SERPINI1: variants seen among roughly 807,000 people sequenced by gnomAD.
SERPINI1 encodes serpin family I member 1.
SERPINI1 carries 19 observed loss-of-function variants against 41.1 expected under a neutral mutation model. The ratio of observed to expected loss-of-function variants is 0.46; its 90% CI spans 0.32 to 0.68. The LOEUF is 0.68. Among genes scored for constraint, SERPINI1 ranks in the 30% least tolerant of loss-of-function variants. SERPINI1 has a pLI of 0.03. For missense variants in SERPINI1, 460 were observed against 479.2 expected, an observed-to-expected ratio of 0.96 and a Z score of 0.37; for synonymous variants, 138 against 156.6, an observed-to-expected ratio of 0.88 and a Z score of 0.89.
chr3:167,797,248 C>T (rs1188871085), intron 5 of SERPINI1, among the ~76,000 whole-genome samples: 3 of 152,052 alleles, frequency 2.0e-5, no homozygotes, highest in Admixed American at 6.6e-5. Context: ...GATATTAGAC[C>T]TTTGTCAGAT....
chr3:167,767,244 T>G (rs1577406777), intron 1 of SERPINI1, among the ~76,000 whole-genome samples: 1 of 152,212 alleles, frequency 6.6e-6, no homozygotes, highest in Admixed American at 6.5e-5. Flanking sequence ...GCTCTACAAA[T>G]GGAACAACAC....
chr3:167,744,745 T>TAA (rs1170422524), intron 1 of SERPINI1, among the ~76,000 whole-genome samples: 4 of 122,394 alleles, frequency 3.3e-5, no homozygotes, highest in African/African-American at 9.4e-5. Flanking sequence ...ATATTATATA[T>TAA]AACTATATTT....
intron 6 of SERPINI1, among the ~76,000 whole-genome samples, chr3:167,807,572 C>A (rs1309709263): frequency 1.3e-5 from 2 of 152,106 alleles, no homozygotes; most frequent in Non-Finnish European, 2.9e-5. Flanking sequence ...AGATTATATT[C>A]TCCGGAAGAC....
chr3:167,752,915 C>A (rs2108535593), intron 1 of SERPINI1, among the ~76,000 whole-genome samples: 1 of 152,250 alleles, frequency 6.6e-6, no homozygotes, highest in Admixed American at 6.5e-5. Flanking sequence ...TTCCCTGATT[C>A]TCTCCTTAAT....
intron 5 of SERPINI1, among the ~76,000 whole-genome samples, chr3:167,806,990 C>T (rs930177561): frequency 3.3e-5 from 5 of 151,952 alleles, no homozygotes; most frequent in African/African-American, 1.2e-4. Flanking sequence ...TTTGTTGTAC[C>T]ATATATTATG....
chr3:167,789,019 C>A (rs2108556070), intron 1 of SERPINI1, 92 bp from the exon 2 acceptor site: 1 of 1,277,826 alleles, frequency 7.8e-7, no homozygotes, highest in Non-Finnish European at 1.1e-6. Context: ...TGTTAATTGA[C>A]TTTTTAAAAG....
chr3:167,790,491 T>C lies in SERPINI1; in HGVS notation c.370T>C (p.Phe124Leu). The C allele has an allele frequency of 6.2e-7, 1 of 1,613,572 alleles. No individual in the cohort carries two copies. The highest frequency in any genetic ancestry group is 8.5e-7 in the Non-Finnish European group (1 of 1,179,794). ...VQNGFHVNEE[F>L]LQMMKKYFNA... is the part of the protein sequence containing the mutation. ...AAATGGATTTCATGTCAATGAGGAG[T>C]TTTTGCAAATGATGAAAAAATATTT... The change falls in exon 3 of 9, where the codon TTT (phenylalanine) becomes CTT (leucine). Residue 124 changes from phenylalanine (F) to leucine (L), a missense_variant. Coordinates refer to ENST00000446050, the MANE Select transcript of SERPINI1 (RefSeq NM_001122752.2).
intron 1 of SERPINI1, among the ~76,000 whole-genome samples, chr3:167,787,398 C>G (rs775414507): frequency 6.6e-6 from 1 of 152,218 alleles, no homozygotes; most frequent in Non-Finnish European, 1.5e-5. Flanking sequence ...ATACAACTTG[C>G]AGTACAGTAG....
intron 5 of SERPINI1, 126 bp from the exon 6 acceptor site, chr3:167,807,118 A>T (rs1711675114): frequency 1.4e-6 from 1 of 699,222 alleles, no homozygotes; most frequent in African/African-American, 1.8e-5. Context: ...TGCAGTCAAA[A>T]GCCAGTTTTA....
intron 6 of SERPINI1, among the ~76,000 whole-genome samples, chr3:167,809,181 A>G (rs191338981): frequency 3.3e-5 from 5 of 152,304 alleles, no homozygotes; most frequent in African/African-American, 4.8e-5. Context: ...GATTCAAAAT[A>G]TAATGTGGTA....
chr3:167,825,050 A>G lies in SERPINI1; in HGVS notation c.1157-197A>G, dbSNP rs76611709. Among the ~76,000 whole-genome samples, 1,324 of 151,696 alleles carry G rather than the reference A, an allele frequency of 8.7e-3. 82 individuals carry two copies. The East Asian group carries it at 0.16, about 18-fold the overall frequency. On this transcript the variant is annotated intron_variant, in intron 8 of 8. Coordinates refer to ENST00000446050, the MANE Select transcript of SERPINI1 (RefSeq NM_001122752.2). ...CATCAGAGCAAGAGCCTTTCTCTAG[A>G]AGGAAAGAAGAAAGGAAAGGAAAGG...
At chr3:167,810,766 C>T (rs1711847272) in intron 6 of SERPINI1, among the ~76,000 whole-genome samples, 1 of 152,172 alleles carries the variant, frequency 6.6e-6, no homozygotes, top group Non-Finnish European at 1.5e-5. Context: ...TTCTCTGTAT[C>T]ATGCAATGCT....
At chr3:167,816,792 T>C (rs1341136406) in intron 6 of SERPINI1, among the ~76,000 whole-genome samples, 4 of 152,140 alleles carry the variant, frequency 2.6e-5, no homozygotes, top group East Asian at 3.9e-4. Flanking sequence ...CAGAGCTAGA[T>C]GCTGAGCTTC....
chr3:167,769,512 C>T (rs2108544620), intron 1 of SERPINI1, among the ~76,000 whole-genome samples: 1 of 152,244 alleles, frequency 6.6e-6, no homozygotes, highest in South Asian at 2.1e-4. Context: ...TCTAGTTTAT[C>T]AGATGCATTC....
rs1725545334 is a variant in SERPINI1 at position 167,738,175 on chromosome 3, T to C, written c.-19+2352T>C. On this transcript the variant is annotated intron_variant, in intron 1 of 8. Coordinates refer to ENST00000446050, the MANE Select transcript of SERPINI1 (RefSeq NM_001122752.2). ...GTTATAAGCATATTACTTATTTTGC[T>C]CTTTAATTTTACTATTTGTGTATGG... Among the ~76,000 whole-genome samples the C allele has an allele frequency of 2.0e-5, 3 of 152,150 alleles. No homozygotes were observed. In the South Asian group the frequency reaches 6.2e-4, roughly 31 times the overall value.
intron 1 of SERPINI1, among the ~76,000 whole-genome samples, chr3:167,744,600 AT>A (rs1037634096): frequency 1.4e-4 from 20 of 141,586 alleles, no homozygotes; most frequent in South Asian, 4.2e-4. Flanking sequence ...CTATATTGTT[AT>A]TTTTTATATA....
intron 1 of SERPINI1, among the ~76,000 whole-genome samples, chr3:167,746,476 A>G (rs1725867038): frequency 6.6e-6 from 1 of 152,222 alleles, no homozygotes; most frequent in Admixed American, 6.5e-5. Context: ...AAGATAAGCC[A>G]TATAATGGGA....
chr3:167,785,382 G>T (rs1727272746), intron 1 of SERPINI1, among the ~76,000 whole-genome samples: 1 of 152,222 alleles, frequency 6.6e-6, no homozygotes, highest in Admixed American at 6.5e-5. Flanking sequence ...CAAACAGCAT[G>T]ATAGCCAACT....
At chr3:167,771,505 G>T (rs1381542950) in intron 1 of SERPINI1, among the ~76,000 whole-genome samples, 1 of 152,164 alleles carries the variant, frequency 6.6e-6, no homozygotes, top group Non-Finnish European at 1.5e-5. Context: ...GATAACTTTG[G>T]TTGGTTTCAC....
Sources: allele counts gnomAD v4.1 joint callset (sites outside exome capture counted in the v4.1 genomes callset), GRCh38; gene constraint gnomAD v4.1.1; transcripts MANE v1.5; gene names NCBI Gene and HGNC (gene_info 2026-07-23, HGNC 2026-07-21).